Variants in ATP6AP1 observed in about 807,000 individuals in gnomAD.
ATP6AP1 encodes V-type proton ATPase subunit S1.
In ATP6AP1, 1 loss-of-function variant was observed where a neutral mutation model predicts 32.0. The observed-to-expected ratio is 0.03, with a 90% CI of 0.01 to 0.15. The LOEUF (loss-of-function observed/expected upper bound fraction) is 0.15, where lower values mean the gene tolerates loss of function less well. Ranked by LOEUF, ATP6AP1 falls within the 10% of genes least tolerant of loss-of-function variation. The pLI, the probability that ATP6AP1 is intolerant of heterozygous loss-of-function variation, is 1.00. For synonymous variants in ATP6AP1, 187 were observed against 174.9 expected (o/e 1.07, Z -0.55); for missense variants, 297 against 398.8 (o/e 0.74, Z 2.17).
chrX:154,432,352 G>A lies in ATP6AP1; in HGVS notation c.450G>A (p.Glu150=). The A allele has an allele frequency of 8.2e-7, 1 of 1,212,183 alleles. No individual in the cohort carries two copies. Among genetic ancestry groups the A allele is most frequent in the African/African-American group, 1.7e-5 (1 of 58,055 alleles). The change falls in exon 4 of 10, where the codon GAG becomes GAA. Residue 150 remains glutamate (E), a synonymous_variant. Coordinates refer to ENST00000369762, the MANE Select transcript of ATP6AP1 (RefSeq NM_001183.6). The part of the protein sequence containing the change: ...AVSTLTTYLQ[E]KLGASPLHVD... ...GCACTCTGACCACTTACCTGCAGGAGAAGCTCGGGGCCAGCCCCTTGCATG... is the reference window on the plus strand; with the variant it reads ...GCACTCTGACCACTTACCTGCAGGAAAAGCTCGGGGCCAGCCCCTTGCATG...
At chrX:154,430,245 G>A (rs2068686431) in intron 2 of ATP6AP1, 1 of 109,385 alleles carries the variant, frequency 9.1e-6, no homozygotes, top group African/African-American at 3.3e-5. Flanking sequence ...GAGTAGCTAG[G>A]ATTACAGGGC....
intron 9 of ATP6AP1, 84 bp downstream of exon 9, chrX:154,435,589 G>A: frequency 8.6e-7 from 1 of 1,163,296 alleles, no homozygotes; most frequent in East Asian, 3.0e-5. Flanking sequence ...GCTTGGGCAT[G>A]TAGTTGAGAG....
rs781970321 is a variant in ATP6AP1, at chrX:154,428,757, G to A, written c.65G>A (p.Arg22His). The A allele has an allele frequency of 8.8e-7, 1 of 1,136,307 alleles. No individual in the cohort carries two copies. Among genetic ancestry groups the A allele is most frequent in the Non-Finnish European group, 1.2e-6 (1 of 864,441 alleles). The allele number at this position is 1,136,307 out of a possible 1,213,427, so 93.6% of individuals were successfully genotyped here. ...CCGCGGTGCGCCCAGGCGCTCTGGC[G>A]CATGCCGTGGCTGCCGGTGTTTTTG... is the stretch of plus-strand genomic sequence containing the variant. ...MGPRCAQALW[R>H]MPWLPVFLSL... Residue 22 changes from arginine (R) to histidine (H), a missense_variant, in exon 1 of 10, where the codon CGC becomes CAC. Physicochemically the swap from Arg to His is conservative, Grantham distance 29. Transcript: ENST00000369762.
chrX:154,431,972 G>A (rs1414138225), intron 3 of ATP6AP1, 68 bp downstream of exon 3: 22 of 1,109,756 alleles, frequency 2.0e-5, no homozygotes, highest in Non-Finnish European at 2.5e-5. Flanking sequence ...CATAAGAACT[G>A]TACTCTGACC....
Position 154,435,896 on chromosome X carries a change from G to T in ATP6AP1, c.*5G>T. The stretch of plus-strand genomic sequence containing the variant: ...TCTTTGACCCAGATTGTGTGACCCT[G>T]TGCCAGTGGGGGGGTTGAGGGTGGG... On this transcript the variant is annotated 3_prime_UTR_variant, in exon 10 of 10. Transcript: ENST00000369762. 8.3e-7 allele frequency: 1 copy of T among 1,201,076 alleles called. No individual in the cohort carries two copies.
chrX:154,435,128 T>C lies in ATP6AP1; in HGVS notation c.924-11T>C. On this transcript the variant is annotated splice_polypyrimidine_tract_variant and intron_variant, in intron 7 of 9. Coordinates refer to ENST00000369762, the MANE Select transcript of ATP6AP1 (RefSeq NM_001183.6). ...GAGCCTCACAGTGCGCCTCTTTCTC[T>C]GGCCCCACAGGCTCTCACTGACCTA... 8.3e-7 allele frequency: 1 copy of C among 1,207,531 alleles called. No homozygotes were observed. Among genetic ancestry groups the C allele is most frequent in the Non-Finnish European group, 1.1e-6 (1 of 892,628 alleles).
chrX:154,436,427 T>C lies in ATP6AP1; in HGVS notation c.*536T>C, dbSNP rs2148225498. 1 of 114,219 alleles carries C rather than the reference T, an allele frequency of 8.8e-6. No homozygotes were observed. The highest frequency in any genetic ancestry group is 9.0e-5 in the Admixed American group (1 of 11,151). The allele number at this position is 114,219 out of a possible 1,213,427, so 9.4% of individuals were successfully genotyped here. A position where few individuals can be genotyped will look rare whatever the true frequency, so the allele number is the denominator to read the frequency against. On this transcript the variant is annotated 3_prime_UTR_variant, in exon 10 of 10. Transcript: ENST00000369762. ...AGGTGGGCTGGGTGCGATCGCCGGC[T>C]GTTTGGCATGTTCCCACCGGGAGTG...
intron 5 of ATP6AP1, 80 bp from the exon 6 acceptor site, chrX:154,433,555 T>G (rs1557197171): frequency 1.6e-5 from 16 of 999,592 alleles, no homozygotes; most frequent in Non-Finnish European, 5.7e-6. Context: ...CTAGAAGGTT[T>G]CTAAAGCAGA....
chrX:154,429,638 G>A (rs2068683214), intron 2 of ATP6AP1: 1 of 113,912 alleles, frequency 8.8e-6, no homozygotes, highest in Non-Finnish European at 1.8e-5. Flanking sequence ...CTACACTGAT[G>A]TCATTATCTT....
intron 3 of ATP6AP1, 104 bp downstream of exon 3, chrX:154,432,008 G>A (rs2068695981): frequency 3.3e-6 from 3 of 912,978 alleles, no homozygotes; most frequent in African/African-American, 3.9e-5. Context: ...TTGGGTCTGA[G>A]TCTCTTCTGG....
At position 154,432,411 on chromosome X, in the gene ATP6AP1, A is replaced by T. The variant is rs146873302; in HGVS notation, c.509A>T (p.Asn170Ile). 8.3e-7 allele frequency: 1 copy of T among 1,204,485 alleles called. No individual in the cohort carries two copies. The highest frequency in any genetic ancestry group is 1.1e-6 in the Non-Finnish European group (1 of 891,803). ...DLATLRELKL[N>I]ASLPALLLIR... is the part of the protein sequence containing the mutation. ...GCCACCCTGCGGGAGCTGAAGCTCA[A>T]TGCCAGCCTCCCTGCTCTGCTGCTC... The change falls in exon 4 of 10, where the codon AAT (asparagine) becomes ATT (isoleucine). Residue 170 changes from asparagine to isoleucine, a missense_variant. By Grantham distance (149) the Asn-to-Ile change is moderately radical (BLOSUM62 -3). Around this residue, in one of 2 missense-constraint regions of ATP6AP1, gnomAD observed 142 missense variants for 145.0 expected, o/e 0.98. Coordinates refer to ENST00000369762, the MANE Select transcript of ATP6AP1 (RefSeq NM_001183.6).
In ATP6AP1 at chrX:154,432,452, A is replaced by G. The variant is rs2068699067; in HGVS notation, c.550A>G (p.Thr184Ala). 8.5e-7 allele frequency: 1 copy of G among 1,176,922 alleles called. No individual in the cohort carries two copies. The highest frequency in any genetic ancestry group is 2.4e-5 in the Admixed American group (1 of 41,296). The change falls in exon 4 of 10, where the codon ACA (threonine) becomes GCA (alanine). Residue 184 changes from threonine to alanine, a missense_variant. This residue lies in a region of ATP6AP1 where 155 missense variants were observed against 253.8 expected (regional missense o/e 0.61). Coordinates refer to ENST00000369762, the MANE Select transcript of ATP6AP1 (RefSeq NM_001183.6). ...TCTGCTGCTCATTCGCCTGCCCTAC[A>G]CAGCCAGGTACTGCCCGCATGGCCC... ...PALLLIRLPY[T>A]ASSGLMAPRE...
intron 2 of ATP6AP1, chrX:154,431,534 A>C: frequency 4.8e-6 from 1 of 207,353 alleles, no homozygotes; most frequent in Non-Finnish European, 8.4e-6. Context: ...TCTTGTCTGT[A>C]GGGTGGGCAA....
At chrX:154,430,193 C>G (rs1165337290) in intron 2 of ATP6AP1, 2 of 109,103 alleles carry the variant, frequency 1.8e-5, no homozygotes, top group Non-Finnish European at 3.8e-5. Flanking sequence ...TCACTGCACC[C>G]TCCGCCTCCC....
intron 2 of ATP6AP1, chrX:154,429,400 C>T (rs782756188): frequency 2.4e-6 from 1 of 416,115 alleles, no homozygotes; most frequent in Admixed American, 4.4e-5. Context: ...GGACCAGAGG[C>T]CAGGTACCTA....
intron 7 of ATP6AP1, 100 bp downstream of exon 7, chrX:154,434,546 T>TG: frequency 1.1e-6 from 1 of 873,977 alleles, no homozygotes; most frequent in Non-Finnish European, 1.7e-6. Flanking sequence ...GTCTGTGTTT[T>TG]GGGGTGGGGA....
Position 154,436,102 on chromosome X carries a change from T to C in ATP6AP1, c.*211T>C. 2 of 435,930 alleles carry C rather than the reference T, an allele frequency of 4.6e-6. No homozygotes were observed. The highest frequency in any genetic ancestry group is 3.7e-5 in the South Asian group (1 of 27,323). 35.9% of individuals were successfully genotyped at this position (435,930 alleles called of 1,213,427 possible). A position where few individuals can be genotyped will look rare whatever the true frequency, so the allele number is the denominator to read the frequency against. On this transcript the variant is annotated 3_prime_UTR_variant, in exon 10 of 10. Transcript: ENST00000369762. ...ACAAGGTGTACATATTCTGCGTAGATGCTAGACCAACCAGCTTCCCAGGGT... is the reference window on the plus strand; with the variant it reads ...ACAAGGTGTACATATTCTGCGTAGACGCTAGACCAACCAGCTTCCCAGGGT...
intron 2 of ATP6AP1, chrX:154,431,151 G>A (rs1557196705): frequency 9.0e-6 from 1 of 111,431 alleles, no homozygotes; most frequent in African/African-American, 3.3e-5. Context: ...GGCTGGGCGA[G>A]TGTGTATACC....
chrX:154,432,799 G>A (rs1603384219), intron 4 of ATP6AP1, 132 bp from the exon 5 acceptor site: 2 of 777,807 alleles, frequency 2.6e-6, no homozygotes, highest in South Asian at 2.5e-5. Flanking sequence ...TCCAGGAGGG[G>A]GCACTGAGGT....
Sources: allele counts gnomAD v4.1 joint callset, GRCh38; gene constraint gnomAD v4.1.1; regional missense constraint gnomAD v4.1.1; transcripts MANE v1.5; gene names NCBI Gene and HGNC (gene_info 2026-07-23, HGNC 2026-07-21).